NLN: variants seen among roughly 807,000 people sequenced by gnomAD.
NLN encodes neurolysin.
NLN carries 64 observed loss-of-function variants against 79.9 expected under a neutral mutation model. That is an observed-to-expected ratio of 0.80 (90% CI 0.65 to 0.99). The LOEUF is 0.99. NLN is among the 50% of genes least tolerant of loss of function. The pLI is 0.00. For synonymous variants in NLN, 267 were observed against 296.6 expected (o/e 0.90, Z 1.02); for missense variants, 835 against 858.7 (o/e 0.97, Z 0.34).
chr5:65,822,179 A>G (rs1334911474), intron 12 of NLN, among the ~76,000 whole-genome samples: 1 of 152,240 alleles, frequency 6.6e-6, no homozygotes, highest in Non-Finnish European at 1.5e-5. Flanking sequence ...GTGACGTTTT[A>G]AAATTCCAGA....
chr5:65,783,704 A>T (rs1042344872), intron 6 of NLN, among the ~76,000 whole-genome samples: 7 of 51,298 alleles, frequency 1.4e-4, no homozygotes, highest in African/African-American at 3.2e-4. Context: ...TATGAAAATT[A>T]AAAAAAAAAA....
At chr5:65,775,173 T>A (rs1229332015) in intron 3 of NLN, among the ~76,000 whole-genome samples, 1 of 152,208 alleles carries the variant, frequency 6.6e-6, no homozygotes, top group Non-Finnish European at 1.5e-5. Flanking sequence ...CTGAATGTAT[T>A]TTAGGCTTTC....
intron 1 of NLN, among the ~76,000 whole-genome samples, chr5:65,738,988 T>TAAAA (rs1554028926): frequency 3.4e-5 from 4 of 118,422 alleles, no homozygotes; most frequent in African/African-American, 1.3e-4. Context: ...TATTATATAT[T>TAAAA]TATATATATT....
rs1189206318 is a variant in NLN at position 65,750,448 on chromosome 5, A to T, written c.42-8119A>T. 3.3e-5 allele frequency among the ~76,000 whole-genome samples: 5 copies of T among 152,228 alleles called. No individual in the cohort carries two copies. The East Asian group carries it at 9.6e-4, about 29-fold the overall frequency. ...GAAATAGATAAGTTGGCCTGGCACG[A>T]TGGCCCATGCCTGTAATCTCAGCAC... On this transcript the variant is annotated intron_variant, in intron 1 of 12. Transcript: ENST00000380985.
chr5:65,734,626 C>T (rs1758687434), intron 1 of NLN, among the ~76,000 whole-genome samples: 1 of 151,972 alleles, frequency 6.6e-6, no homozygotes, highest in African/African-American at 2.4e-5. Context: ...AGGAAGTCCT[C>T]ATATTTCCCA....
At chr5:65,726,172 C>T (rs1758466060) in intron 1 of NLN, among the ~76,000 whole-genome samples, 10 of 151,658 alleles carry the variant, frequency 6.6e-5, no homozygotes. Flanking sequence ...CACAGTTCAA[C>T]CAATTGCAAA....
chr5:65,785,028 T>C (rs1055172448), intron 6 of NLN, among the ~76,000 whole-genome samples: 1 of 152,248 alleles, frequency 6.6e-6, no homozygotes, highest in Admixed American at 6.5e-5. Context: ...GGCAGAGTTA[T>C]ATTCCATTGT....
chr5:65,737,738 C>T (rs766909355), intron 1 of NLN, among the ~76,000 whole-genome samples: 4 of 152,066 alleles, frequency 2.6e-5, no homozygotes, highest in East Asian at 1.9e-4. Context: ...TACAAAAACC[C>T]GGTTGCCTAT....
intron 12 of NLN, among the ~76,000 whole-genome samples, chr5:65,818,391 C>T (rs1407636063): frequency 6.6e-6 from 1 of 152,172 alleles, no homozygotes. Flanking sequence ...TTCTCTACCC[C>T]CCCATACATA....
At chr5:65,817,685 C>G (rs142244777) in intron 12 of NLN, among the ~76,000 whole-genome samples, 2 of 152,290 alleles carry the variant, frequency 1.3e-5, no homozygotes, top group African/African-American at 4.8e-5. Context: ...GAAAGAAATA[C>G]TGAGAAATTC....
At chr5:65,757,904 G>C (rs1220601416) in intron 1 of NLN, among the ~76,000 whole-genome samples, 1 of 152,066 alleles carries the variant, frequency 6.6e-6, no homozygotes, top group African/African-American at 2.4e-5. Context: ...TATGTACATA[G>C]TAGGTGAAAG....
At chr5:65,803,355 C>G (rs975940287) in intron 9 of NLN, among the ~76,000 whole-genome samples, 1 of 152,200 alleles carries the variant, frequency 6.6e-6, no homozygotes, top group African/African-American at 2.4e-5. Context: ...GCTTCCCTCC[C>G]ATGCTCGTCA....
intron 1 of NLN, among the ~76,000 whole-genome samples, chr5:65,731,167 T>C (rs1758596312): frequency 6.6e-6 from 1 of 152,192 alleles, no homozygotes. Flanking sequence ...CGTCTCGTCC[T>C]CCAAGAAGCC....
At chr5:65,777,348 A>G in intron 3 of NLN, 79 bp from the exon 4 acceptor site, 4 of 920,142 alleles carry the variant, frequency 4.3e-6, no homozygotes, top group Middle Eastern at 2.1e-4. Context: ...ATGATGAATA[A>G]ATTTGCTGTG....
At chr5:65,725,885 G>A (rs1212575333) in intron 1 of NLN, among the ~76,000 whole-genome samples, 1 of 152,194 alleles carries the variant, frequency 6.6e-6, no homozygotes, top group Non-Finnish European at 1.5e-5. Context: ...GGCCATGGCA[G>A]GTGGATCACG....
chr5:65,813,846 T>G (rs918112904), intron 12 of NLN, among the ~76,000 whole-genome samples: 2 of 151,912 alleles, frequency 1.3e-5, no homozygotes, highest in African/African-American at 4.8e-5. Context: ...GAGAGTTGCT[T>G]GAGCCTAGGA....
intron 9 of NLN, among the ~76,000 whole-genome samples, chr5:65,802,748 G>A (rs556452240): frequency 1.3e-5 from 2 of 152,302 alleles, no homozygotes; most frequent in African/African-American, 4.8e-5. Context: ...TCCACAACCA[G>A]GGTGTACCAA....
intron 2 of NLN, among the ~76,000 whole-genome samples, chr5:65,760,641 T>G (rs1399441676): frequency 6.6e-6 from 1 of 152,184 alleles, no homozygotes; most frequent in African/African-American, 2.4e-5. Flanking sequence ...GCTTCCTGAG[T>G]AGCTGGGACT....
At chr5:65,800,568 G>A (rs888873502) in intron 9 of NLN, among the ~76,000 whole-genome samples, 1 of 152,088 alleles carries the variant, frequency 6.6e-6, no homozygotes, top group African/African-American at 2.4e-5. Context: ...CCAGCTACTC[G>A]GGAGGCAGGA....
Sources: allele counts gnomAD v4.1 joint callset (sites outside exome capture counted in the v4.1 genomes callset), GRCh38; gene constraint gnomAD v4.1.1; transcripts MANE v1.5; gene names NCBI Gene and HGNC (gene_info 2026-07-23, HGNC 2026-07-21).